GPC5: variants seen among roughly 807,000 people sequenced by gnomAD.
GPC5 encodes glypican 5, also known as glypican-5.
A neutral mutation model predicts 53.9 loss-of-function variants in GPC5; 47 were observed. That is an observed-to-expected ratio of 0.87 (90% confidence interval 0.69 to 1.11). GPC5 has a LOEUF of 1.11. Ranked by LOEUF, GPC5 falls within the 50% of genes most tolerant of loss-of-function variation. The pLI, the probability that GPC5 is intolerant of heterozygous loss-of-function variation, is 0.00. For missense variants in GPC5, 748 were observed against 713.1 expected (o/e 1.05, Z -0.56); for synonymous variants, 286 against 263.3 (o/e 1.09, Z -0.84).
intron 7 of GPC5, among the ~76,000 whole-genome samples, chr13:92,752,538 C>G (rs183758825): frequency 6.6e-6 from 1 of 152,106 alleles, no homozygotes; most frequent in Non-Finnish European, 1.5e-5. Context: ...GCGTGAGCGA[C>G]GCAGAAGACG....
At chr13:91,878,739 C>T (rs1233163274) in intron 5 of GPC5, among the ~76,000 whole-genome samples, 3 of 152,120 alleles carry the variant, frequency 2.0e-5, no homozygotes, top group Non-Finnish European at 4.4e-5. Context: ...TCCCCTTTCC[C>T]CATGATTGTA....
chr13:92,637,140 T>A (rs1885434042), intron 7 of GPC5, among the ~76,000 whole-genome samples: 1 of 152,190 alleles, frequency 6.6e-6, no homozygotes, highest in Admixed American at 6.5e-5. Context: ...AATAGTCCTA[T>A]CCATTCCAAT....
chr13:92,125,924 G>GTTTTTTTTTTTTTTTTTTTTTTTT (rs1190169532), intron 6 of GPC5, among the ~76,000 whole-genome samples: 2 of 75,876 alleles, frequency 2.6e-5, no homozygotes, highest in Admixed American at 1.8e-4. Flanking sequence ...TTGTTTTTTG[G>GTTTTTTTTTTTTTTTTTTTTTTTT]TTTTTTTTTT....
At chr13:92,811,752 C>T (rs532864080) in intron 7 of GPC5, among the ~76,000 whole-genome samples, 2 of 151,906 alleles carry the variant, frequency 1.3e-5, no homozygotes, top group East Asian at 3.9e-4. Context: ...ACATTTAGGT[C>T]GTTGATCCAT....
intron 7 of GPC5, among the ~76,000 whole-genome samples, chr13:92,809,287 A>G (rs537704612): frequency 2.0e-5 from 3 of 152,274 alleles, no homozygotes; most frequent in South Asian, 2.1e-4. Context: ...CCATCATTCA[A>G]TATAGATACT....
intron 7 of GPC5, among the ~76,000 whole-genome samples, chr13:92,331,561 C>T (rs1177800786): frequency 6.6e-6 from 1 of 152,086 alleles, no homozygotes; most frequent in African/African-American, 2.4e-5. Flanking sequence ...TGAACACTGG[C>T]AGTGTTAATA....
intron 7 of GPC5, among the ~76,000 whole-genome samples, chr13:92,536,562 G>A (rs889164336): frequency 2.0e-5 from 3 of 152,122 alleles, no homozygotes; most frequent in Admixed American, 1.3e-4. Context: ...TAGGTGTCCA[G>A]CCTGAGGGAA....
intron 5 of GPC5, among the ~76,000 whole-genome samples, chr13:91,898,799 A>G (rs2039469025): frequency 1.3e-5 from 2 of 152,106 alleles, no homozygotes; most frequent in African/African-American, 2.4e-5. Flanking sequence ...ACGGCCCCTT[A>G]CATTCTTATG....
At position 91,689,703 on chromosome 13, in the gene GPC5, G is replaced by A. The variant is rs538187498; in HGVS notation, c.326-3484G>A. 4.0e-5 allele frequency among the ~76,000 whole-genome samples: 6 copies of A among 151,760 alleles called. No homozygotes were observed. The South Asian group carries it at 1.2e-3, about 32-fold the overall frequency. ...ATTAGCCTAGGCCTACACAGGGTCA[G>A]GATCATCAATATCACCGTCTTCCGC... On this transcript the variant is annotated intron_variant, in intron 2 of 7. Coordinates refer to ENST00000377067, the MANE Select transcript of GPC5 (RefSeq NM_004466.6).
At chr13:92,194,147 C>T (rs538449508) in intron 7 of GPC5, among the ~76,000 whole-genome samples, 2 of 152,288 alleles carry the variant, frequency 1.3e-5, no homozygotes, top group South Asian at 4.1e-4. Flanking sequence ...AATTTACTCT[C>T]ATAACAACCT....
intron 2 of GPC5, among the ~76,000 whole-genome samples, chr13:91,596,070 C>T (rs1159455117): frequency 1.3e-5 from 2 of 152,112 alleles, no homozygotes; most frequent in Non-Finnish European, 2.9e-5. Context: ...GCTATACCTT[C>T]GTGATAAATT....
At chr13:92,802,772 G>A (rs945666551) in intron 7 of GPC5, among the ~76,000 whole-genome samples, 2 of 151,834 alleles carry the variant, frequency 1.3e-5, no homozygotes, top group African/African-American at 2.4e-5. Context: ...CACAGGAAGG[G>A]GAACATCACA....
chr13:92,662,660 G>T (rs530792057), intron 7 of GPC5, among the ~76,000 whole-genome samples: 1 of 152,284 alleles, frequency 6.6e-6, no homozygotes, highest in African/African-American at 2.4e-5. Context: ...TGCTTAAAAA[G>T]GTCGTGAAGT....
intron 2 of GPC5, among the ~76,000 whole-genome samples, chr13:91,505,252 A>G (rs891884176): frequency 2.6e-5 from 4 of 152,224 alleles, no homozygotes; most frequent in African/African-American, 9.6e-5. Flanking sequence ...ACACATAGTT[A>G]AAATAGTATA....
chr13:92,537,708 T>TA (rs1294091090), intron 7 of GPC5, among the ~76,000 whole-genome samples: 3 of 152,130 alleles, frequency 2.0e-5, no homozygotes, highest in African/African-American at 7.2e-5. Context: ...TAGAGTATAT[T>TA]ATCCATCTCC....
intron 6 of GPC5, among the ~76,000 whole-genome samples, chr13:92,006,591 C>T (rs2040608913): frequency 1.3e-5 from 2 of 152,146 alleles, no homozygotes; most frequent in Admixed American, 1.3e-4. Flanking sequence ...CCCAAGTAAA[C>T]TCTTGATCTT....
At chr13:92,210,470 A>G (rs992030927) in intron 7 of GPC5, among the ~76,000 whole-genome samples, 6 of 152,132 alleles carry the variant, frequency 3.9e-5, no homozygotes, top group African/African-American at 1.4e-4. Context: ...TGAATGTAAA[A>G]TTTGATTGAC....
intron 7 of GPC5, among the ~76,000 whole-genome samples, chr13:92,649,031 A>T (rs1885863215): frequency 6.6e-6 from 1 of 152,134 alleles, no homozygotes; most frequent in Admixed American, 6.6e-5. Context: ...GTCACCTTTA[A>T]AGCTGGAGCT....
In GPC5 at chr13:91,549,646, A is replaced by C. The variant is rs533437268; in HGVS notation, c.325+100724A>C. 3.3e-5 allele frequency among the ~76,000 whole-genome samples: 5 copies of C among 152,326 alleles called. No homozygotes were observed. The South Asian group carries it at 1.0e-3, about 32-fold the overall frequency. On this transcript the variant is annotated intron_variant, in intron 2 of 7. Transcript: ENST00000377067. ...AAGAAGGCATACAGATGACAAATAA[A>C]CATGTGAAAAGTTGCTCAACATCAT...
Sources: gnomAD v4.1 joint callset for allele counts (sites outside exome capture counted in the v4.1 genomes callset) on GRCh38, gnomAD v4.1.1 for gene constraint, MANE v1.5 for transcripts, NCBI Gene and HGNC (gene_info 2026-07-23, HGNC 2026-07-21) for gene names.